The following PLXDC2 variants were observed in gnomAD, a reference collection of about 807,000 sequenced individuals.
PLXDC2 encodes the protein plexin domain-containing protein 2.
A neutral mutation model predicts 68.9 loss-of-function variants in PLXDC2; 40 were observed. That is an observed-to-expected ratio of 0.58 (90% CI 0.45 to 0.76). PLXDC2 has a LOEUF of 0.76. Among genes scored for constraint, PLXDC2 ranks in the 30% least tolerant of loss-of-function variants. The probability of loss-of-function intolerance (pLI) is 0.00; values close to 1 mark genes in which losing one functional copy is unlikely to be tolerated. For missense variants in PLXDC2, 644 were observed against 661.9 expected (o/e 0.97, Z 0.30); for synonymous variants, 243 against 234.2 (o/e 1.04, Z -0.34).
intron 1 of PLXDC2, among the ~76,000 whole-genome samples, chr10:19,939,709 T>C (rs1332779659): frequency 2.0e-5 from 3 of 152,150 alleles, no homozygotes; most frequent in Non-Finnish European, 4.4e-5. Flanking sequence ...AAGCATACAT[T>C]AAAGGAAAGA....
chr10:20,232,987 G>C (rs1316443553), intron 12 of PLXDC2, among the ~76,000 whole-genome samples: 2 of 151,662 alleles, frequency 1.3e-5, no homozygotes, highest in African/African-American at 4.9e-5. Flanking sequence ...AATTCTTCCA[G>C]GCTTCTTAAA....
chr10:20,023,088 G>GTA (rs895435100), intron 2 of PLXDC2, among the ~76,000 whole-genome samples: 1 of 146,222 alleles, frequency 6.8e-6, no homozygotes, highest in African/African-American at 2.5e-5. Context: ...ATATATATAT[G>GTA]TATATATATA....
At chr10:20,116,185 T>A (rs1035819035) in intron 4 of PLXDC2, among the ~76,000 whole-genome samples, 2 of 152,204 alleles carry the variant, frequency 1.3e-5, no homozygotes, top group Non-Finnish European at 2.9e-5. Context: ...CCTAAGGAGA[T>A]CATAGCTTTG....
chr10:19,883,884 C>CTTTTTTTTTTTTTTTTTTTTTTTTTT lies in PLXDC2; in HGVS notation c.112+66695_112+66720dup, dbSNP rs397846779. ...ATTACTGTCTCCAGATCCCTTTAAA[C>CTTTTTTTTTTTTTTTTTTTTTTTTTT]TTTTTTTTTTTTTTTTTTTTTTTTT... On this transcript the variant is annotated intron_variant, in intron 1 of 13. Coordinates refer to ENST00000377252, the MANE Select transcript of PLXDC2 (RefSeq NM_032812.9). 7.4e-4 allele frequency among the ~76,000 whole-genome samples: 41 copies of CTTTTTTTTTTTTTTTTTTTTTTTTTT among 55,100 alleles called. 12 individuals carry two copies. Among genetic ancestry groups the CTTTTTTTTTTTTTTTTTTTTTTTTTT allele is most frequent in the East Asian group, 2.2e-3 (3 of 1,354 alleles). The allele number at this position is 55,100 out of a possible 152,430, so 36.1% of individuals were successfully genotyped here.
chr10:20,017,601 C>T (rs1353055633), intron 2 of PLXDC2, among the ~76,000 whole-genome samples: 1 of 152,198 alleles, frequency 6.6e-6, no homozygotes, highest in African/African-American at 2.4e-5. Context: ...CACAGACTTC[C>T]TCCGAACAGA....
chr10:20,143,277 C>T lies in PLXDC2; in HGVS notation c.542-18C>T. On this transcript the variant is annotated intron_variant, in intron 4 of 13. Coordinates refer to ENST00000377252, the MANE Select transcript of PLXDC2 (RefSeq NM_032812.9). ...GGGCTTCTTTTTCTGAATATGTTTCCTATTTTTCTAATTCTAGGTTTCATA... is the reference window on the plus strand; with the variant it reads ...GGGCTTCTTTTTCTGAATATGTTTCTTATTTTTCTAATTCTAGGTTTCATA... 1 of 1,590,472 alleles carries T rather than the reference C, an allele frequency of 6.3e-7. No homozygotes were observed. The highest frequency in any genetic ancestry group is 2.2e-5 in the East Asian group (1 of 44,506).
chr10:19,891,053 G>T (rs1431593541), intron 1 of PLXDC2, among the ~76,000 whole-genome samples: 4 of 152,076 alleles, frequency 2.6e-5, no homozygotes, highest in African/African-American at 9.7e-5. Context: ...CTGCCATGCA[G>T]TCTTCTTCCT....
At chr10:20,129,526 C>CATATATATATATATACACATACACAT (rs35632011) in intron 4 of PLXDC2, among the ~76,000 whole-genome samples, 7 of 146,772 alleles carry the variant, frequency 4.8e-5, no homozygotes, top group Admixed American at 4.1e-4. Context: ...TATACATACA[C>CATATATATATATATACACATACACAT]ATATATATAT....
intron 3 of PLXDC2, among the ~76,000 whole-genome samples, chr10:20,057,734 A>G (rs1836023798): frequency 6.6e-6 from 1 of 152,148 alleles, no homozygotes; most frequent in Non-Finnish European, 1.5e-5. Flanking sequence ...GTAAGGTTCA[A>G]GTTTAATAAC....
At chr10:20,277,082 G>A (rs1588557643) in intron 13 of PLXDC2, among the ~76,000 whole-genome samples, 1 of 151,794 alleles carries the variant, frequency 6.6e-6, no homozygotes, top group East Asian at 1.9e-4. Context: ...TGTGGTGGGC[G>A]GCTGTAATCC....
chr10:20,037,149 G>A (rs1211614008), intron 2 of PLXDC2, among the ~76,000 whole-genome samples: 1 of 152,156 alleles, frequency 6.6e-6, no homozygotes, highest in East Asian at 1.9e-4. Context: ...CCTATTTAGA[G>A]TCAGAAACTG....
intron 1 of PLXDC2, among the ~76,000 whole-genome samples, chr10:19,854,033 A>G (rs990966075): frequency 9.9e-5 from 15 of 152,244 alleles, no homozygotes; most frequent in Admixed American, 7.2e-4. Flanking sequence ...CCATGGAATC[A>G]GCACAGAATG....
chr10:20,248,368 A>G (rs752238702), intron 13 of PLXDC2, among the ~76,000 whole-genome samples: 3 of 152,194 alleles, frequency 2.0e-5, no homozygotes, highest in South Asian at 2.1e-4. Flanking sequence ...GCTAGATGGA[A>G]TCTTAGAGAT....
At chr10:19,995,658 C>A (rs1341342400) in intron 1 of PLXDC2, among the ~76,000 whole-genome samples, 2 of 152,204 alleles carry the variant, frequency 1.3e-5, no homozygotes, top group Non-Finnish European at 2.9e-5. Flanking sequence ...TTGCAAATAG[C>A]ACTTTCTAAG....
In PLXDC2 at chr10:20,034,060, TATCCAAAA is replaced by T. The variant is rs569028631; in HGVS notation, c.325-12806_325-12799del. Among the ~76,000 whole-genome samples the T allele has an allele frequency of 6.6e-5, 10 of 152,328 alleles. No homozygotes were observed. The East Asian group carries it at 1.2e-3, about 18-fold the overall frequency. On this transcript the variant is annotated intron_variant, in intron 2 of 13. Transcript: ENST00000377252. Reference sequence around the variant, plus strand: ...GAAAAAGTTGATTATGAGAATTTTTTATCCAAAAATTAATACATAAAGAGAGACTCCTT... The same window carrying T: ...GAAAAAGTTGATTATGAGAATTTTTTATTAATACATAAAGAGAGACTCCTT...
chr10:20,179,783 A>T (rs1236439196), intron 9 of PLXDC2, among the ~76,000 whole-genome samples: 1 of 152,116 alleles, frequency 6.6e-6, no homozygotes, highest in African/African-American at 2.4e-5. Flanking sequence ...ACATTAAGCC[A>T]AGGAATTTTC....
At chr10:19,947,312 G>A (rs1833917847) in intron 1 of PLXDC2, among the ~76,000 whole-genome samples, 1 of 152,118 alleles carries the variant, frequency 6.6e-6, no homozygotes, top group African/African-American at 2.4e-5. Flanking sequence ...TGCGTTAGTG[G>A]TAACTTGTTA....
At chr10:19,825,048 A>C (rs186340337) in intron 1 of PLXDC2, among the ~76,000 whole-genome samples, 1 of 152,122 alleles carries the variant, frequency 6.6e-6, no homozygotes, top group East Asian at 1.9e-4. Context: ...CCTTTACCTT[A>C]CCCTTCAAAT....
rs1005475251 is a variant in PLXDC2 at position 20,101,614 on chromosome 10, T to C, written c.541+33375T>C. 2.6e-5 allele frequency among the ~76,000 whole-genome samples: 4 copies of C among 152,118 alleles called. No homozygotes were observed. In the East Asian group the frequency reaches 7.7e-4, roughly 29 times the overall value. On this transcript the variant is annotated intron_variant, in intron 4 of 13. Transcript: ENST00000377252. ...CTTACTTTGCTTCCTGGGTTCATCA[T>C]CAAAAAACTTCAGCTGCTCAAGTCA...
Sources: gnomAD v4.1 joint callset for allele counts (sites outside exome capture counted in the v4.1 genomes callset) on GRCh38, gnomAD v4.1.1 for gene constraint, MANE v1.5 for transcripts, NCBI Gene and HGNC (gene_info 2026-07-23, HGNC 2026-07-21) for gene names.